Variants in CYRIA observed in about 807,000 individuals in gnomAD.
CYRIA encodes CYFIP related Rac1 interactor A.
CYRIA carries 15 observed loss-of-function variants against 43.9 expected under a neutral mutation model. The ratio of observed to expected loss-of-function variants is 0.34; its 90% confidence interval spans 0.23 to 0.53. The LOEUF is 0.53. CYRIA is among the 20% of genes least tolerant of loss of function. The pLI is 0.94. For missense variants in CYRIA, 236 were observed against 394.2 expected (o/e 0.60, Z 3.40); for synonymous variants, 117 against 136.0 (o/e 0.86, Z 0.97).
intron 1 of CYRIA, among the ~76,000 whole-genome samples, chr2:16,646,826 G>T (rs1213312832): frequency 1.3e-5 from 2 of 152,180 alleles, no homozygotes; most frequent in Non-Finnish European, 2.9e-5. Flanking sequence ...GAATTAAAGG[G>T]GGGGGATTTT....
rs934555694 is a variant in CYRIA at position 16,650,903 on chromosome 2, A to T, written c.-167+14877T>A. ...TCCTGTTGTTTTAAATTCAAACCTT[A>T]TTGTTCTTTTTCTTTGCTTTATTAT... On this transcript the variant is annotated intron_variant, in intron 1 of 11. Transcript: ENST00000381323. This position sits in a 1 kb window ranked among gnomAD's most constrained non-coding sequence, Gnocchi z 4.1. Among the ~76,000 whole-genome samples, 16 of 152,216 alleles carry T rather than the reference A, an allele frequency of 1.1e-4. No homozygotes were observed. Among genetic ancestry groups the T allele is most frequent in the African/African-American group, 3.9e-4 (16 of 41,532 alleles).
intron 1 of CYRIA, among the ~76,000 whole-genome samples, chr2:16,628,389 C>T (rs1286592682): frequency 6.6e-6 from 1 of 152,172 alleles, no homozygotes; most frequent in African/African-American, 2.4e-5. Context: ...CTGATCTCAC[C>T]TCAAAGCCGT....
Position 16,653,882 on chromosome 2 carries a change from G to A in CYRIA, c.-167+11898C>T, listed in dbSNP as rs900244365. The stretch of plus-strand genomic sequence containing the variant: ...ATTACCATTTTCTCTTCTGTAATAC[G>A]AAGCTAACGCATAGTATTTGCAAGT... On this transcript the variant is annotated intron_variant, in intron 1 of 11. Transcript: ENST00000381323. Among the ~76,000 whole-genome samples, 7 of 152,206 alleles carry A rather than the reference G, an allele frequency of 4.6e-5. No homozygotes were observed. The East Asian group carries it at 5.8e-4, about 13-fold the overall frequency.
chr2:16,626,296 A>G (rs1439809910), intron 1 of CYRIA, among the ~76,000 whole-genome samples: 1 of 152,094 alleles, frequency 6.6e-6, no homozygotes. Flanking sequence ...CTACGCATCT[A>G]AGAAGCTCAC....
At chr2:16,647,007 G>A (rs1372302251) in intron 1 of CYRIA, among the ~76,000 whole-genome samples, 1 of 152,120 alleles carries the variant, frequency 6.6e-6, no homozygotes, top group Non-Finnish European at 1.5e-5. Flanking sequence ...TGCAGATCTT[G>A]GGACATCTGA....
intron 2 of CYRIA, 71 bp from the exon 3 acceptor site, chr2:16,588,200 G>A: frequency 1.0e-6 from 1 of 991,896 alleles, no homozygotes; most frequent in Non-Finnish European, 1.5e-6. Flanking sequence ...AATATCCCTG[G>A]GCCCCCCATA....
At chr2:16,616,045 G>A (rs1353764152) in intron 2 of CYRIA, among the ~76,000 whole-genome samples, 1 of 152,232 alleles carries the variant, frequency 6.6e-6, no homozygotes, top group Non-Finnish European at 1.5e-5. Context: ...GAGGCCTGAT[G>A]TCGGGGGAGA....
At chr2:16,593,852 A>T (rs1404188944) in intron 2 of CYRIA, among the ~76,000 whole-genome samples, 1 of 147,034 alleles carries the variant, frequency 6.8e-6, no homozygotes, top group Non-Finnish European at 1.5e-5. Flanking sequence ...CATTAGGTAT[A>T]TCTCCCAATG....
chr2:16,612,616 GACTT>G (rs1338291913), intron 2 of CYRIA, among the ~76,000 whole-genome samples: 1 of 152,326 alleles, frequency 6.6e-6, no homozygotes, highest in East Asian at 1.9e-4. Flanking sequence ...GATGGCCAGA[GACTT>G]ACTTTCATGA....
chr2:16,656,246 A>G (rs1046750301), intron 1 of CYRIA, among the ~76,000 whole-genome samples: 1 of 151,980 alleles, frequency 6.6e-6, no homozygotes, highest in African/African-American at 2.4e-5. Context: ...ACACTCACAC[A>G]TACCTATACA....
chr2:16,584,829 C>T (rs914807791), intron 3 of CYRIA, among the ~76,000 whole-genome samples: 1 of 152,190 alleles, frequency 6.6e-6, no homozygotes, highest in African/African-American at 2.4e-5. Context: ...TTCTTTAAGG[C>T]CCATTCCAAA....
intron 1 of CYRIA, among the ~76,000 whole-genome samples, chr2:16,628,653 C>A (rs1383088308): frequency 2.6e-5 from 4 of 152,206 alleles, no homozygotes; most frequent in African/African-American, 9.6e-5. Context: ...ATTGCTGGGA[C>A]AACAGGCAGA....
At chr2:16,558,269 T>C (rs1666600472) in intron 10 of CYRIA, among the ~76,000 whole-genome samples, 1 of 152,156 alleles carries the variant, frequency 6.6e-6, no homozygotes, top group South Asian at 2.1e-4. Flanking sequence ...TTAAAAATAA[T>C]AAAGAGTCTA....
intron 2 of CYRIA, among the ~76,000 whole-genome samples, chr2:16,591,274 G>A (rs1045946296): frequency 6.6e-6 from 1 of 152,096 alleles, no homozygotes; most frequent in Non-Finnish European, 1.5e-5. Flanking sequence ...TAAAGCTAGA[G>A]GCAAGAAATA....
intron 3 of CYRIA, among the ~76,000 whole-genome samples, chr2:16,571,312 C>T (rs2103427779): frequency 6.6e-6 from 1 of 152,270 alleles, no homozygotes; most frequent in East Asian, 1.9e-4. Flanking sequence ...TGGAAGATTT[C>T]ATTGTGGAGA....
At chr2:16,572,336 T>TC (rs1054852003) in intron 3 of CYRIA, among the ~76,000 whole-genome samples, 31 of 152,114 alleles carry the variant, frequency 2.0e-4, no homozygotes, top group Non-Finnish European at 4.3e-4. Context: ...ATGAATTTTT[T>TC]TTTTTTTGTC....
intron 2 of CYRIA, among the ~76,000 whole-genome samples, chr2:16,610,231 A>G (rs1668545601): frequency 6.6e-6 from 1 of 152,250 alleles, no homozygotes; most frequent in Non-Finnish European, 1.5e-5. Context: ...AGAACACTGA[A>G]GCAAGTGAGT....
At chr2:16,593,698 G>GTGT (rs1401934232) in intron 2 of CYRIA, among the ~76,000 whole-genome samples, 2 of 81,970 alleles carry the variant, frequency 2.4e-5, no homozygotes, top group Non-Finnish European at 2.7e-5. Context: ...GTGTGTGTGT[G>GTGT]TTTTTTTTTG....
At chr2:16,601,657 G>C (rs1160199117) in intron 2 of CYRIA, among the ~76,000 whole-genome samples, 1 of 149,360 alleles carries the variant, frequency 6.7e-6, no homozygotes, top group Non-Finnish European at 1.5e-5. Flanking sequence ...AGGCTATTCA[G>C]TGGAAAACCA....
Sources: allele counts gnomAD v4.1 joint callset (sites outside exome capture counted in the v4.1 genomes callset), GRCh38; gene constraint gnomAD v4.1.1; non-coding constraint Gnocchi (gnomAD v3.1); transcripts MANE v1.5; gene names NCBI Gene and HGNC (gene_info 2026-07-23, HGNC 2026-07-21).